Variants in ARHGAP21 observed in about 807,000 individuals in gnomAD.
ARHGAP21 encodes Rho GTPase activating protein 21, also known as rho GTPase-activating protein 21.
Under a neutral mutation model 164.6 loss-of-function variants are expected in ARHGAP21, and 38 were observed. That is an observed-to-expected ratio of 0.23 (90% CI 0.18 to 0.30). The LOEUF (loss-of-function observed/expected upper bound fraction) is 0.30, where lower values mean the gene tolerates loss of function less well. Among genes scored for constraint, ARHGAP21 ranks in the 10% least tolerant of loss-of-function variants. The pLI, the probability that ARHGAP21 is intolerant of heterozygous loss-of-function variation, is 1.00. For missense variants in ARHGAP21, 1,822 were observed against 2,370.7 expected, an observed-to-expected ratio of 0.77 and a Z score of 4.81; for synonymous variants, 766 against 857.9, an observed-to-expected ratio of 0.89 and a Z score of 1.87.
chr10:24,627,464 A>AAGGAT (rs58135504), intron 7 of ARHGAP21, among the ~76,000 whole-genome samples: 108,540 of 151,524 alleles, frequency 0.72, 39,239 homozygotes, highest in Non-Finnish European at 0.76. Context: ...AATGTGAATT[A>AAGGAT]AGGTTAAAAA....
intron 9 of ARHGAP21, among the ~76,000 whole-genome samples, chr10:24,611,041 T>C (rs2077235745): frequency 6.6e-6 from 1 of 152,224 alleles, no homozygotes; most frequent in African/African-American, 2.4e-5. Context: ...ATCCTATTTG[T>C]TCCTCTTCGT....
At chr10:24,714,986 C>T (rs532301901) in intron 2 of ARHGAP21, among the ~76,000 whole-genome samples, 3 of 150,554 alleles carry the variant, frequency 2.0e-5, no homozygotes, top group East Asian at 1.9e-4. Context: ...GCCAAGATCA[C>T]GCCACTGCAC....
chr10:24,678,688 T>TTTTG lies in ARHGAP21; in HGVS notation c.64-8295_64-8292dup, dbSNP rs553824280. ...TGGCTGCCTGGTTTGTTTTGAGGGT[T>TTTTG]TTTGTTTGTTTGTTTGTTTTTGTTT... On this transcript the variant is annotated intron_variant, in intron 2 of 25. Transcript: ENST00000396432. 1.7e-3 allele frequency among the ~76,000 whole-genome samples: 252 copies of TTTTG among 152,080 alleles called. 1 individual carries two copies. Among genetic ancestry groups the TTTTG allele is most frequent in the African/African-American group, 5.6e-3 (233 of 41,490 alleles).
intron 2 of ARHGAP21, among the ~76,000 whole-genome samples, chr10:24,690,742 C>A (rs550869532): frequency 6.6e-6 from 1 of 151,758 alleles, no homozygotes; most frequent in Non-Finnish European, 1.5e-5. Flanking sequence ...GCAAAAGAAT[C>A]GCTTGAACCC....
chr10:24,624,584 C>G (rs1235807681), intron 7 of ARHGAP21, among the ~76,000 whole-genome samples: 1 of 151,968 alleles, frequency 6.6e-6, no homozygotes, highest in African/African-American at 2.4e-5. Flanking sequence ...AAGTGATCCA[C>G]CTGCCTCGGA....
At chr10:24,694,348 T>C (rs1412350541) in intron 2 of ARHGAP21, among the ~76,000 whole-genome samples, 5 of 152,246 alleles carry the variant, frequency 3.3e-5, no homozygotes, top group Non-Finnish European at 7.3e-5. Flanking sequence ...CCGTTGGTGT[T>C]TGGCAACTGG....
intron 4 of ARHGAP21, among the ~76,000 whole-genome samples, chr10:24,645,359 T>C (rs1291795319): frequency 6.6e-6 from 1 of 152,098 alleles, no homozygotes; most frequent in African/African-American, 2.4e-5. Flanking sequence ...GATGGGTTGA[T>C]CACCTGCAGT....
chr10:24,704,659 G>A (rs1336733214), intron 2 of ARHGAP21, among the ~76,000 whole-genome samples: 1 of 151,976 alleles, frequency 6.6e-6, no homozygotes, highest in Non-Finnish European at 1.5e-5. Context: ...AGTAGAGACA[G>A]GGTTTTGCCA....
intron 4 of ARHGAP21, among the ~76,000 whole-genome samples, chr10:24,655,488 G>C (rs1008400079): frequency 6.6e-6 from 1 of 152,206 alleles, no homozygotes; most frequent in Non-Finnish European, 1.5e-5. Flanking sequence ...CTCAAAAGAA[G>C]ACATTTATGC....
chr10:24,656,023 G>A (rs1367114220), intron 4 of ARHGAP21, among the ~76,000 whole-genome samples: 54 of 141,020 alleles, frequency 3.8e-4, no homozygotes, highest in African/African-American at 1.3e-3. Context: ...CCCGGCAGCT[G>A]CCCCGTCTGA....
intron 11 of ARHGAP21, 90 bp downstream of exon 11, chr10:24,607,409 A>C: frequency 1.9e-6 from 2 of 1,061,138 alleles, no homozygotes; most frequent in Non-Finnish European, 2.8e-6. Context: ...AGAAAACATA[A>C]GACATCATTA....
At position 24,586,109 on chromosome 10, in the gene ARHGAP21, G is replaced by A; in HGVS notation, c.4183-3C>T. The A allele has an allele frequency of 6.4e-7, 1 of 1,567,910 alleles. No individual in the cohort carries two copies. Among genetic ancestry groups the A allele is most frequent in the Non-Finnish European group, 8.6e-7 (1 of 1,161,914 alleles). On this transcript the variant is annotated splice_polypyrimidine_tract_variant and splice_region_variant and intron_variant, in intron 25 of 25. Coordinates refer to ENST00000396432, the MANE Select transcript of ARHGAP21 (RefSeq NM_020824.4). Reference sequence around the variant, plus strand: ...TCCTTTCCAGATCCCCAAGAACCCTGGGAAGCAAGAGAGAAGAAAGACTCT... The same window carrying A: ...TCCTTTCCAGATCCCCAAGAACCCTAGGAAGCAAGAGAGAAGAAAGACTCT...
In ARHGAP21 at chr10:24,722,255, T is replaced by C. The variant is rs1237270760; in HGVS notation, c.-356A>G. ...AAAAATCCGAATGGGTCGTGAAGGT[T>C]CGAGTGTCAGCTCCTAGAGAGATCC... On this transcript the variant is annotated 5_prime_UTR_variant, in exon 2 of 26. Transcript: ENST00000396432. 6.0e-6 allele frequency: 2 copies of C among 332,302 alleles called. No individual in the cohort carries two copies. The highest frequency in any genetic ancestry group is 3.1e-5 in the South Asian group (1 of 32,182). The allele number at this position is 332,302 out of a possible 1,614,324, so 20.6% of individuals were successfully genotyped here. A position where few individuals can be genotyped will look rare whatever the true frequency, so the allele number is the denominator to read the frequency against.
chr10:24,628,583 A>G (rs1835368950), intron 7 of ARHGAP21, among the ~76,000 whole-genome samples: 1 of 152,118 alleles, frequency 6.6e-6, no homozygotes, highest in Non-Finnish European at 1.5e-5. Flanking sequence ...TATAGGTAAT[A>G]AGAAAAAAAC....
chr10:24,622,352 G>A (rs886997501), intron 8 of ARHGAP21, among the ~76,000 whole-genome samples: 1 of 149,498 alleles, frequency 6.7e-6, no homozygotes, highest in Admixed American at 6.7e-5. Flanking sequence ...CTTTGCATTC[G>A]ACAGCTTGCA....
chr10:24,585,691 G>T lies in ARHGAP21; in HGVS notation c.4598C>A (p.Ala1533Glu). Residue 1533 changes from alanine (A) to glutamate (E), a missense_variant, in exon 26 of 26, where the codon GCA becomes GAA. This residue lies in a region of ARHGAP21 where 333 missense variants were observed against 383.9 expected (regional missense o/e 0.87). Transcript: ENST00000396432. ...ILKESPRSLL[A>E]QKSSHLEETG... ...CTCTTCAAGGTGGGAGGACTTCTGTGCCAGAAGTGACCTGGGGCTCTCTTT... is the reference window on the plus strand; with the variant it reads ...CTCTTCAAGGTGGGAGGACTTCTGTTCCAGAAGTGACCTGGGGCTCTCTTT... 1 of 1,614,140 alleles carries T rather than the reference G, an allele frequency of 6.2e-7. No individual in the cohort carries two copies. The highest frequency in any genetic ancestry group is 1.7e-5 in the Admixed American group (1 of 60,020).
At chr10:24,719,737 G>T (rs557521842) in intron 2 of ARHGAP21, among the ~76,000 whole-genome samples, 2 of 152,224 alleles carry the variant, frequency 1.3e-5, no homozygotes, top group South Asian at 4.1e-4. Context: ...CTAAATATCA[G>T]CCCAAAGTAT....
intron 1 of ARHGAP21, 83 bp downstream of exon 1, chr10:24,723,475 GGAGA>G (rs1015421694): frequency 6.8e-6 from 1 of 147,190 alleles, no homozygotes; most frequent in East Asian, 2.0e-4. Flanking sequence ...TGGCGGGAAG[GGAGA>G]GAGCCCGCGG....
intron 2 of ARHGAP21, among the ~76,000 whole-genome samples, chr10:24,679,503 A>G (rs933173270): frequency 3.3e-5 from 5 of 152,226 alleles, no homozygotes; most frequent in Middle Eastern, 3.2e-3. Flanking sequence ...ACCACAGCAT[A>G]TAATTACATG....
Sources: gnomAD v4.1 joint callset for allele counts (sites outside exome capture counted in the v4.1 genomes callset) on GRCh38, gnomAD v4.1.1 for gene constraint, gnomAD v4.1.1 regional missense constraint, MANE v1.5 for transcripts, NCBI Gene and HGNC (gene_info 2026-07-23, HGNC 2026-07-21) for gene names.